RGS22: variants seen among roughly 807,000 people sequenced by gnomAD.
The protein encoded by RGS22 is regulator of G-protein signaling 22.
Under a neutral mutation model 172.9 loss-of-function variants are expected in RGS22, and 148 were observed. The observed-to-expected ratio is 0.86, with a 90% confidence interval of 0.75 to 0.98. RGS22 has a LOEUF of 0.98. Ranked by LOEUF, RGS22 falls within the 50% of genes least tolerant of loss-of-function variation. The pLI is 0.00. For synonymous variants in RGS22, 458 were observed against 480.2 expected, an observed-to-expected ratio of 0.95 and a Z score of 0.60; for missense variants, 1,347 against 1,440.8, an observed-to-expected ratio of 0.93 and a Z score of 1.05.
At chr8:100,008,293 C>T (rs1354097231) in intron 15 of RGS22, 82 bp downstream of exon 15, 9 of 1,342,030 alleles carry the variant, frequency 6.7e-6, no homozygotes, top group Non-Finnish European at 9.3e-6. Context: ...CCGCCTCGGC[C>T]TCCCAAAGTG....
chr8:99,961,873 A>T (rs1810233552), intron 27 of RGS22, among the ~76,000 whole-genome samples: 2 of 152,144 alleles, frequency 1.3e-5, no homozygotes, highest in Non-Finnish European at 2.9e-5. Flanking sequence ...CCAAAAAGCT[A>T]ATCTACAAGC....
intron 3 of RGS22, among the ~76,000 whole-genome samples, chr8:100,084,483 C>T (rs1331999915): frequency 6.6e-6 from 1 of 152,026 alleles, no homozygotes; most frequent in Non-Finnish European, 1.5e-5. Context: ...AATAAAATGG[C>T]ATGCAATGTT....
intron 24 of RGS22, among the ~76,000 whole-genome samples, chr8:99,964,182 T>C (rs1321334322): frequency 6.6e-6 from 1 of 152,008 alleles, no homozygotes; most frequent in Non-Finnish European, 1.5e-5. Flanking sequence ...TAGAAGCCTG[T>C]TACCTCACAC....
chr8:100,036,976 T>C (rs1312035354), intron 14 of RGS22, among the ~76,000 whole-genome samples: 1 of 152,190 alleles, frequency 6.6e-6, no homozygotes, highest in Admixed American at 6.5e-5. Flanking sequence ...ATTGAAAATT[T>C]ACCCCTGAAG....
chr8:100,071,383 C>T lies in RGS22; in HGVS notation c.580G>A (p.Val194Ile). 1.9e-6 allele frequency: 3 copies of T among 1,609,958 alleles called. No individual in the cohort carries two copies. The highest frequency in any genetic ancestry group is 1.7e-6 in the Non-Finnish European group (2 of 1,178,302). ...CATACTTTTACCTCACCAAGTGATA[C>T]ATAGAACTTTTTCATAATTACAAGA... ...DNLVIMKKFY[V>I]SLGEASYTQT... Residue 194 changes from valine to isoleucine, a missense_variant, in exon 6 of 28, where the codon GTA becomes ATA. Physicochemically the swap from Val to Ile is conservative, Grantham distance 29 (BLOSUM62 3). Coordinates refer to ENST00000360863, the MANE Select transcript of RGS22 (RefSeq NM_015668.5).
At chr8:100,083,605 A>C (rs1472716502) in intron 3 of RGS22, among the ~76,000 whole-genome samples, 5 of 151,976 alleles carry the variant, frequency 3.3e-5, no homozygotes, top group African/African-American at 1.2e-4. Flanking sequence ...TGACCTCGTG[A>C]TCCACCCACC....
rs534453286 is a variant in RGS22 at position 100,006,101 on chromosome 8, C to T, written c.2370G>A (p.Leu790=). 124 of 1,611,294 alleles carry T rather than the reference C, an allele frequency of 7.7e-5. 1 individual carries two copies. The South Asian group carries it at 1.3e-3, about 17-fold the overall frequency. Residue 790 remains leucine, a synonymous_variant, in exon 16 of 28, where the codon CTG becomes CTA. Transcript: ENST00000360863. The part of the protein sequence containing the change: ...SDQIAYKKVE[L]VEETRQLDST... ...AGTCTAACTGTCGAGTTTCTTCCAC[C>T]AGCTCCACCTAAAAAAAATAAATAA... is the stretch of plus-strand genomic sequence containing the variant.
At chr8:100,013,085 G>A (rs1489645351) in intron 14 of RGS22, among the ~76,000 whole-genome samples, 1 of 148,732 alleles carries the variant, frequency 6.7e-6, no homozygotes, top group African/African-American at 2.5e-5. Flanking sequence ...CGCCTCTTGG[G>A]TTCATGCCAT....
intron 3 of RGS22, among the ~76,000 whole-genome samples, chr8:100,090,099 A>T (rs1812460267): frequency 6.6e-6 from 1 of 152,176 alleles, no homozygotes; most frequent in Non-Finnish European, 1.5e-5. Flanking sequence ...GGAGGACGAG[A>T]TAGTCTAATT....
intron 23 of RGS22, among the ~76,000 whole-genome samples, chr8:99,977,094 G>C (rs1268490342): frequency 6.6e-6 from 1 of 151,698 alleles, no homozygotes; most frequent in Admixed American, 6.6e-5. Flanking sequence ...ATTTCACAAT[G>C]TATCATTCTG....
At chr8:100,103,510 G>C (rs1442534334) in intron 2 of RGS22, among the ~76,000 whole-genome samples, 4 of 152,170 alleles carry the variant, frequency 2.6e-5, no homozygotes, top group Admixed American at 1.3e-4. Flanking sequence ...AGGGGCCTGG[G>C]GAGAAAAGTT....
intron 4 of RGS22, among the ~76,000 whole-genome samples, chr8:100,074,805 T>C (rs929969649): frequency 6.6e-6 from 1 of 152,116 alleles, no homozygotes; most frequent in Non-Finnish European, 1.5e-5. Flanking sequence ...TCTCGCTCTA[T>C]CGCCCAGGCT....
At chr8:100,072,364 T>A (rs1431857992) in intron 4 of RGS22, 134 bp from the exon 5 acceptor site, 3 of 498,906 alleles carry the variant, frequency 6.0e-6, no homozygotes, top group Non-Finnish European at 7.0e-6. Context: ...CTATTTCCAC[T>A]AGAGAGATCA....
intron 20 of RGS22, 114 bp from the exon 21 acceptor site, chr8:99,987,733 T>G: frequency 6.2e-6 from 4 of 643,462 alleles, no homozygotes; most frequent in Non-Finnish European, 9.5e-6. Context: ...TAATAGAATT[T>G]CACAACATTT....
intron 2 of RGS22, among the ~76,000 whole-genome samples, chr8:100,095,247 G>A (rs1331185988): frequency 2.0e-5 from 3 of 152,134 alleles, no homozygotes; most frequent in African/African-American, 7.2e-5. Flanking sequence ...GCAGTGGTGT[G>A]ATCTCAGCTC....
intron 10 of RGS22, among the ~76,000 whole-genome samples, chr8:100,047,964 G>A (rs934068947): frequency 1.6e-4 from 3 of 18,826 alleles, no homozygotes; most frequent in East Asian, 2.9e-3. Flanking sequence ...GTGTGTACTG[G>A]GGGGGGGTGC....
At chr8:99,986,970 T>C (rs1813164100) in intron 21 of RGS22, among the ~76,000 whole-genome samples, 1 of 152,192 alleles carries the variant, frequency 6.6e-6, no homozygotes, top group Admixed American at 6.5e-5. Flanking sequence ...TTAAATCTTA[T>C]GTATGTTAAT....
intron 4 of RGS22, among the ~76,000 whole-genome samples, chr8:100,073,066 T>C (rs1462524657): frequency 6.6e-6 from 1 of 152,248 alleles, no homozygotes; most frequent in Non-Finnish European, 1.5e-5. Context: ...TTACTCACTC[T>C]TGATTCTACT....
At chr8:100,035,223 A>G (rs1224379220) in intron 14 of RGS22, among the ~76,000 whole-genome samples, 1 of 152,234 alleles carries the variant, frequency 6.6e-6, no homozygotes, top group African/African-American at 2.4e-5. Flanking sequence ...CAAAGGGCTA[A>G]TATCCAGAAT....
Sources: allele counts gnomAD v4.1 joint callset (sites outside exome capture counted in the v4.1 genomes callset), GRCh38; gene constraint gnomAD v4.1.1; transcripts MANE v1.5; gene names NCBI Gene and HGNC (gene_info 2026-07-23, HGNC 2026-07-21).